Variants in KIAA1958 observed in about 807,000 individuals in gnomAD.
The protein encoded by KIAA1958 is uncharacterized protein KIAA1958.
KIAA1958 carries 14 observed loss-of-function variants against 47.2 expected under a neutral mutation model. The observed-to-expected ratio is 0.30, with a 90% CI of 0.20 to 0.46. The LOEUF is 0.46. KIAA1958 is among the 20% of genes least tolerant of loss of function. The probability of loss-of-function intolerance (pLI) is 1.00; values close to 1 mark genes in which losing one functional copy is unlikely to be tolerated. For synonymous variants in KIAA1958, 354 were observed against 353.3 expected (o/e 1.00, Z -0.02); for missense variants, 803 against 909.2 (o/e 0.88, Z 1.50).
intron 2 of KIAA1958, among the ~76,000 whole-genome samples, chr9:112,579,155 C>T (rs1019852930): frequency 2.0e-5 from 3 of 152,116 alleles, no homozygotes; most frequent in Admixed American, 6.5e-5. Context: ...TAGTCTCTCA[C>T]GTATATTGGA....
chr9:112,564,657 A>G (rs1462661086), intron 1 of KIAA1958, among the ~76,000 whole-genome samples: 3 of 152,200 alleles, frequency 2.0e-5, no homozygotes, highest in Non-Finnish European at 4.4e-5. Flanking sequence ...TTTTATTATA[A>G]TGCTACTTAA....
At chr9:112,555,338 C>T (rs1249515651) in intron 1 of KIAA1958, among the ~76,000 whole-genome samples, 1 of 152,172 alleles carries the variant, frequency 6.6e-6, no homozygotes. Flanking sequence ...ATCCCATGAG[C>T]AGAGGCCAGG....
chr9:112,592,014 G>T (rs141783643), intron 2 of KIAA1958, among the ~76,000 whole-genome samples: 62 of 152,206 alleles, frequency 4.1e-4, no homozygotes, highest in African/African-American at 1.5e-3. Context: ...TATTGGCTAG[G>T]GTTAGACCGC....
At chr9:112,508,770 C>A (rs1587993526) in intron 1 of KIAA1958, among the ~76,000 whole-genome samples, 2 of 152,192 alleles carry the variant, frequency 1.3e-5, no homozygotes, top group Non-Finnish European at 2.9e-5. Flanking sequence ...TTTTCTGTTG[C>A]CTGGTTTGTA....
At chr9:112,557,218 C>T (rs755627379) in intron 1 of KIAA1958, among the ~76,000 whole-genome samples, 3 of 152,156 alleles carry the variant, frequency 2.0e-5, no homozygotes, top group Non-Finnish European at 4.4e-5. Flanking sequence ...GGTTGGCCTG[C>T]TAAAGTGTTG....
chr9:112,593,406 A>G (rs1835958827), intron 2 of KIAA1958, among the ~76,000 whole-genome samples: 1 of 152,212 alleles, frequency 6.6e-6, no homozygotes, highest in Admixed American at 6.5e-5. Context: ...ATACAAGGTG[A>G]TGGCAGATTT....
intron 2 of KIAA1958, among the ~76,000 whole-genome samples, chr9:112,585,561 A>G (rs1046705825): frequency 2.0e-5 from 3 of 152,136 alleles, no homozygotes; most frequent in Non-Finnish European, 4.4e-5. Context: ...ATCTTAGAAG[A>G]TCACGCTGAT....
At chr9:112,558,878 T>A (rs146318098) in intron 1 of KIAA1958, among the ~76,000 whole-genome samples, 3 of 152,192 alleles carry the variant, frequency 2.0e-5, no homozygotes, top group African/African-American at 7.2e-5. Context: ...AAGAATTAAT[T>A]TGTATATTAT....
intron 2 of KIAA1958, among the ~76,000 whole-genome samples, chr9:112,634,926 C>G (rs11789059): frequency 6.6e-6 from 1 of 152,058 alleles, no homozygotes; most frequent in Non-Finnish European, 1.5e-5. Context: ...ATTGTTTTAT[C>G]AGTCACATTT....
intron 3 of KIAA1958, 112 bp downstream of exon 3, chr9:112,645,934 A>G (rs1449003692): frequency 6.4e-6 from 5 of 779,792 alleles, no homozygotes; most frequent in Non-Finnish European, 7.6e-6. Flanking sequence ...TGCCTGGGGA[A>G]ACTTTGGAAG....
chr9:112,516,495 A>G (rs1197055509), intron 1 of KIAA1958, among the ~76,000 whole-genome samples: 2 of 152,256 alleles, frequency 1.3e-5, no homozygotes, highest in African/African-American at 4.8e-5. Context: ...TTTATGGTTC[A>G]GAAGATGCAA....
intron 2 of KIAA1958, among the ~76,000 whole-genome samples, chr9:112,586,176 AG>A (rs1835819326): frequency 6.6e-6 from 1 of 152,212 alleles, no homozygotes; most frequent in African/African-American, 2.4e-5. Context: ...ACATTTATCA[AG>A]GGTGATATAT....
At chr9:112,571,856 A>T (rs1006968392) in intron 1 of KIAA1958, among the ~76,000 whole-genome samples, 8 of 150,948 alleles carry the variant, frequency 5.3e-5, no homozygotes, top group East Asian at 3.9e-4. Context: ...GAAATAAAAT[A>T]AAAAAAGTTC....
chr9:112,543,220 G>GTTA (rs2132825664), intron 1 of KIAA1958, among the ~76,000 whole-genome samples: 1 of 78,288 alleles, frequency 1.3e-5, no homozygotes, highest in South Asian at 6.8e-4. Context: ...ATTTGTTTTT[G>GTTA]TTGTTGTTGT....
intron 1 of KIAA1958, among the ~76,000 whole-genome samples, chr9:112,549,614 A>G (rs1258674326): frequency 6.6e-6 from 1 of 152,214 alleles, no homozygotes; most frequent in African/African-American, 2.4e-5. Flanking sequence ...GAAGGAGCTA[A>G]TACTCTGGTA....
chr9:112,551,643 G>A (rs1379384126), intron 1 of KIAA1958, among the ~76,000 whole-genome samples: 1 of 152,136 alleles, frequency 6.6e-6, no homozygotes, highest in African/African-American at 2.4e-5. Context: ...AATTATATAA[G>A]AACATAATAC....
At chr9:112,546,420 A>G (rs927833003) in intron 1 of KIAA1958, among the ~76,000 whole-genome samples, 5 of 152,074 alleles carry the variant, frequency 3.3e-5, no homozygotes, top group Non-Finnish European at 7.4e-5. Flanking sequence ...AACCATAAAA[A>G]TAGCCAACTA....
Position 112,574,768 on chromosome 9 carries a change from T to C in KIAA1958, c.688T>C (p.Leu230=), listed in dbSNP as rs775148531. The C allele has an allele frequency of 3.7e-6, 6 of 1,614,098 alleles. No homozygotes were observed. The Admixed American group carries it at 1.0e-4, about 27-fold the overall frequency. The part of the protein sequence containing the change: ...TGGVDGPALS[L]TQMAKPKPQT... ...AGGAGTAGATGGACCAGCCCTGTCC[T>C]TGACACAGATGGCAAAACCCAAGCC... Residue 230 remains leucine (L), a synonymous_variant, in exon 2 of 4, where the codon TTG becomes CTG. Coordinates refer to ENST00000337530, the MANE Select transcript of KIAA1958 (RefSeq NM_133465.4).
intron 1 of KIAA1958, among the ~76,000 whole-genome samples, chr9:112,506,218 A>C (rs778710931): frequency 2.0e-5 from 3 of 152,184 alleles, no homozygotes; most frequent in Non-Finnish European, 2.9e-5. Context: ...GCACTTTGGG[A>C]GGCCGAAGCA....
Sources: gnomAD v4.1 joint callset for allele counts (sites outside exome capture counted in the v4.1 genomes callset) on GRCh38, gnomAD v4.1.1 for gene constraint, MANE v1.5 for transcripts, NCBI Gene and HGNC (gene_info 2026-07-23, HGNC 2026-07-21) for gene names.